Variants in PTPRG observed in about 807,000 individuals in gnomAD.
The protein encoded by PTPRG is protein tyrosine phosphatase receptor type G, also known as receptor-type tyrosine-protein phosphatase gamma.
In PTPRG, 102 loss-of-function variants were observed where a neutral mutation model predicts 165.3. The ratio of observed to expected loss-of-function variants is 0.62; its 90% CI spans 0.53 to 0.73. The LOEUF (loss-of-function observed/expected upper bound fraction) is 0.73. Among genes scored for constraint, PTPRG ranks in the 30% least tolerant of loss-of-function variants. PTPRG has a pLI of 0.00. For synonymous variants in PTPRG, 675 were observed against 669.5 expected, an observed-to-expected ratio of 1.01 and a Z score of -0.13; for missense variants, 1,866 against 1,861.4, an observed-to-expected ratio of 1.00 and a Z score of -0.05.
chr3:62,157,051 CT>C lies in PTPRG; in HGVS notation c.683-11del. The C allele has an allele frequency of 4.4e-6, 7 of 1,586,052 alleles. No homozygotes were observed. Among genetic ancestry groups the C allele is most frequent in the East Asian group, 2.2e-5 (1 of 44,606 alleles). On this transcript the variant is annotated splice_polypyrimidine_tract_variant and intron_variant, in intron 6 of 29. Transcript: ENST00000474889. ...ACTTACCATTGTGCTTTTCTTTTCC[CT>C]TTTTCCCCAAACAGAGAAGGAGACC...
chr3:62,220,997 G>A (rs974288748), intron 13 of PTPRG, among the ~76,000 whole-genome samples: 1 of 152,116 alleles, frequency 6.6e-6, no homozygotes, highest in Admixed American at 6.5e-5. Context: ...GGACCATGGG[G>A]CCAAACAGGC....
At chr3:62,096,291 G>A (rs1174331712) in intron 5 of PTPRG, among the ~76,000 whole-genome samples, 1 of 152,124 alleles carries the variant, frequency 6.6e-6, no homozygotes, top group African/African-American at 2.4e-5. Flanking sequence ...GCTTCTGGAG[G>A]GTGAAAGCAG....
At chr3:62,026,963 A>C (rs923200761) in intron 4 of PTPRG, among the ~76,000 whole-genome samples, 2 of 150,670 alleles carry the variant, frequency 1.3e-5, no homozygotes, top group Admixed American at 1.3e-4. Context: ...GTACCTGGCA[A>C]GATGCCAGAC....
chr3:62,191,721 A>G, intron 9 of PTPRG, 68 bp downstream of exon 9: 3 of 1,464,322 alleles, frequency 2.0e-6, no homozygotes, highest in Non-Finnish European at 2.8e-6. Flanking sequence ...GCTCTCTGCC[A>G]GGCACTGCAC....
intron 5 of PTPRG, among the ~76,000 whole-genome samples, chr3:62,125,680 C>CTT (rs34765777): frequency 1.8e-4 from 25 of 139,802 alleles, no homozygotes; most frequent in African/African-American, 5.5e-4. Context: ...GATCTCATAC[C>CTT]TTTTTTTTTT....
chr3:61,760,059 G>T (rs896132607), intron 2 of PTPRG, among the ~76,000 whole-genome samples: 5 of 152,112 alleles, frequency 3.3e-5, no homozygotes, highest in African/African-American at 1.2e-4. Context: ...AAGTGGGCCA[G>T]TTTAAAGAAA....
chr3:61,927,074 A>AT (rs2039233104), intron 2 of PTPRG, among the ~76,000 whole-genome samples: 1 of 152,196 alleles, frequency 6.6e-6, no homozygotes, highest in African/African-American at 2.4e-5. Context: ...TCTGGATTCT[A>AT]TTTCTGAATT....
At chr3:62,202,892 C>T (rs912254923) in intron 11 of PTPRG, among the ~76,000 whole-genome samples, 4 of 152,176 alleles carry the variant, frequency 2.6e-5, no homozygotes, top group Admixed American at 6.5e-5. Context: ...TTTTTTGGCA[C>T]CTAGCCTCAT....
chr3:61,772,417 CATT>C (rs1220313804), intron 2 of PTPRG, among the ~76,000 whole-genome samples: 1 of 151,766 alleles, frequency 6.6e-6, no homozygotes, highest in African/African-American at 2.4e-5. Flanking sequence ...ATTTTTGTAT[CATT>C]AATATTTTTA....
At chr3:62,194,880 G>A (rs956153640) in intron 9 of PTPRG, among the ~76,000 whole-genome samples, 182 bp from the exon 10 acceptor site, 10 of 152,142 alleles carry the variant, frequency 6.6e-5, no homozygotes, top group African/African-American at 2.2e-4. Context: ...TCCCAGGGAA[G>A]CTCATAAAAA....
At chr3:61,653,908 C>T (rs1204051581) in intron 1 of PTPRG, among the ~76,000 whole-genome samples, 3 of 103,164 alleles carry the variant, frequency 2.9e-5, no homozygotes, top group South Asian at 3.6e-4. Flanking sequence ...GTGGGGGGCG[C>T]GGGGAACTGT....
Position 62,245,112 on chromosome 3 carries a change from A to G in PTPRG, c.2467+1214A>G, listed in dbSNP as rs1205256207. 1.3e-5 allele frequency among the ~76,000 whole-genome samples: 2 copies of G among 152,210 alleles called. No individual in the cohort carries two copies. The highest frequency in any genetic ancestry group is 2.4e-5 in the African/African-American group (1 of 41,448). On this transcript the variant is annotated intron_variant, in intron 15 of 29. Transcript: ENST00000474889. This position sits in a 1 kb window ranked among gnomAD's most constrained non-coding sequence, Gnocchi z 4.2. Reference sequence around the variant, plus strand: ...CACACAGAAACAAGAAGATTAACAGAAAGTCTCTGATTAACTTCCTGTTGG... The same window carrying G: ...CACACAGAAACAAGAAGATTAACAGGAAGTCTCTGATTAACTTCCTGTTGG...
chr3:62,020,089 T>C (rs2041652308), intron 4 of PTPRG, among the ~76,000 whole-genome samples: 1 of 152,164 alleles, frequency 6.6e-6, no homozygotes, highest in Non-Finnish European at 1.5e-5. Context: ...GAGTGATCTG[T>C]TGTCATTTTG....
chr3:61,860,396 T>G (rs1238725344), intron 2 of PTPRG, among the ~76,000 whole-genome samples: 1 of 150,924 alleles, frequency 6.6e-6, no homozygotes, highest in African/African-American at 2.4e-5. Flanking sequence ...TCCCCAGGCA[T>G]AGAAGGATAA....
chr3:61,841,280 C>G (rs559879741), intron 2 of PTPRG, among the ~76,000 whole-genome samples: 1 of 152,216 alleles, frequency 6.6e-6, no homozygotes, highest in East Asian at 1.9e-4. Context: ...TATTTGTTCT[C>G]CCAGGTCATG....
chr3:61,765,469 A>G (rs1026124876), intron 2 of PTPRG, among the ~76,000 whole-genome samples: 2 of 152,140 alleles, frequency 1.3e-5, no homozygotes, highest in Non-Finnish European at 2.9e-5. Context: ...AATAATATTC[A>G]TCTTAGTATT....
At chr3:61,976,506 T>G (rs2040509900) in intron 2 of PTPRG, among the ~76,000 whole-genome samples, 1 of 152,238 alleles carries the variant, frequency 6.6e-6, no homozygotes, top group African/African-American at 2.4e-5. Context: ...ATTGTTTACT[T>G]GTACTAATGG....
At chr3:61,725,653 T>C (rs972055830) in intron 1 of PTPRG, among the ~76,000 whole-genome samples, 1 of 151,730 alleles carries the variant, frequency 6.6e-6, no homozygotes, top group African/African-American at 2.4e-5. Flanking sequence ...TTCTACCCAC[T>C]CTATTCTTCT....
In PTPRG at chr3:61,682,171, A is replaced by G. The variant is rs559603660; in HGVS notation, c.86-66707A>G. On this transcript the variant is annotated intron_variant, in intron 1 of 29. Coordinates refer to ENST00000474889, the MANE Select transcript of PTPRG (RefSeq NM_002841.4). ...TCTCAAAAAAAAAAAAAAAAAAGTG[A>G]ACTGGTAATGAGAAATGAATTTTGG... is the stretch of plus-strand genomic sequence containing the variant. 3.3e-5 allele frequency among the ~76,000 whole-genome samples: 5 copies of G among 150,786 alleles called. No homozygotes were observed. The East Asian group carries it at 5.8e-4, about 17-fold the overall frequency.
Sources: allele counts gnomAD v4.1 joint callset (sites outside exome capture counted in the v4.1 genomes callset), GRCh38; gene constraint gnomAD v4.1.1; non-coding constraint Gnocchi (gnomAD v3.1); transcripts MANE v1.5; gene names NCBI Gene and HGNC (gene_info 2026-07-23, HGNC 2026-07-21).